The following DIAPH2 variants were observed in gnomAD, a reference collection of about 807,000 sequenced individuals.
DIAPH2 encodes diaphanous related formin 2.
In DIAPH2, 35 loss-of-function variants were observed where a neutral mutation model predicts 92.7. The observed-to-expected ratio is 0.38, with a 90% CI of 0.29 to 0.50. DIAPH2 has a LOEUF of 0.50. DIAPH2 is among the 20% of genes least tolerant of loss of function. The probability of loss-of-function intolerance (pLI) is 0.94; values close to 1 mark genes in which losing one functional copy is unlikely to be tolerated. For missense variants in DIAPH2, 701 were observed against 819.5 expected, an observed-to-expected ratio of 0.86 and a Z score of 1.77; for synonymous variants, 301 against 280.4, an observed-to-expected ratio of 1.07 and a Z score of -0.73.
At chrX:97,038,040 G>A (rs745797540) in intron 17 of DIAPH2, among the ~76,000 whole-genome samples, 4 of 110,801 alleles carry the variant, frequency 3.6e-5, no homozygotes, top group Non-Finnish European at 3.8e-5. Flanking sequence ...CTCCAGTGTC[G>A]ATTATCCCAA....
chrX:97,570,040 T>A (rs1285702496), intron 26 of DIAPH2, among the ~76,000 whole-genome samples: 1 of 85,553 alleles, frequency 1.2e-5, no homozygotes, highest in Non-Finnish European at 2.2e-5. Context: ...CCATTGATTA[T>A]CCTCAAACTA....
intron 4 of DIAPH2, among the ~76,000 whole-genome samples, chrX:96,759,112 T>G (rs2064251522): frequency 9.0e-6 from 1 of 111,260 alleles, no homozygotes; most frequent in Admixed American, 9.5e-5. Flanking sequence ...TTTGTGTGTA[T>G]ACATATGCAT....
chrX:97,017,324 T>C (rs1204460577), intron 17 of DIAPH2, among the ~76,000 whole-genome samples: 1 of 111,795 alleles, frequency 8.9e-6, no homozygotes, highest in Non-Finnish European at 1.9e-5. Context: ...TGTTTGATGG[T>C]AGTGAGAGAA....
intron 22 of DIAPH2, among the ~76,000 whole-genome samples, chrX:97,218,361 AT>A (rs1275674882): frequency 8.9e-6 from 1 of 111,775 alleles, no homozygotes; most frequent in Non-Finnish European, 1.9e-5. Context: ...AAGTGCTGGG[AT>A]TATAGGCATG....
intron 26 of DIAPH2, among the ~76,000 whole-genome samples, chrX:97,498,347 A>G (rs1300718478): frequency 1.8e-5 from 2 of 111,377 alleles, no homozygotes; most frequent in Non-Finnish European, 3.8e-5. Context: ...TAACATACAT[A>G]TCCGTTTCTG....
At chrX:97,159,640 A>G (rs1216899944) in intron 22 of DIAPH2, among the ~76,000 whole-genome samples, 1 of 111,987 alleles carries the variant, frequency 8.9e-6, no homozygotes, top group Non-Finnish European at 1.9e-5. Flanking sequence ...GATTTTGCAT[A>G]CAACCATAGC....
intron 22 of DIAPH2, among the ~76,000 whole-genome samples, chrX:97,235,378 G>T (rs1407238820): frequency 1.8e-5 from 2 of 110,879 alleles, no homozygotes; most frequent in Non-Finnish European, 3.8e-5. Flanking sequence ...GGCCACGGTG[G>T]GTGGATCATG....
chrX:96,988,983 T>C (rs1337879202), intron 17 of DIAPH2, among the ~76,000 whole-genome samples: 2 of 110,864 alleles, frequency 1.8e-5, no homozygotes, highest in Non-Finnish European at 3.8e-5. Context: ...CGAGGGGGAC[T>C]GAAAGTATAC....
intron 25 of DIAPH2, among the ~76,000 whole-genome samples, chrX:97,387,307 G>A (rs1229397040): frequency 8.9e-6 from 1 of 112,108 alleles, no homozygotes; most frequent in Non-Finnish European, 1.9e-5. Flanking sequence ...AGCAACAAGA[G>A]GTGTATTAGT....
intron 23 of DIAPH2, among the ~76,000 whole-genome samples, chrX:97,330,111 G>GTGTGTA (rs768645005): frequency 3.4e-5 from 3 of 87,965 alleles, no homozygotes; most frequent in Non-Finnish European, 7.0e-5. Context: ...GTGTGTGTGT[G>GTGTGTA]TATGTGTGTG....
intron 23 of DIAPH2, among the ~76,000 whole-genome samples, chrX:97,317,681 T>G (rs1176382051): frequency 8.9e-6 from 1 of 112,091 alleles, no homozygotes; most frequent in African/African-American, 3.2e-5. Context: ...CACTTTGCAT[T>G]CATGAAAGAA....
intron 26 of DIAPH2, among the ~76,000 whole-genome samples, chrX:97,554,123 G>A (rs1373619289): frequency 9.0e-6 from 1 of 111,616 alleles, no homozygotes; most frequent in Non-Finnish European, 1.9e-5. Flanking sequence ...ACTAACAGCT[G>A]GTTCTGCTGT....
intron 19 of DIAPH2, among the ~76,000 whole-genome samples, chrX:97,080,786 T>G (rs948685232): frequency 2.7e-5 from 3 of 111,416 alleles, no homozygotes; most frequent in African/African-American, 9.8e-5. Flanking sequence ...TCAACTTCCC[T>G]CAATTAACCA....
intron 17 of DIAPH2, among the ~76,000 whole-genome samples, chrX:97,065,801 G>A (rs146489290): frequency 0.04 from 4,405 of 111,243 alleles, 85 homozygotes; most frequent in Middle Eastern, 0.065. Context: ...CCTTCCAGTG[G>A]GACAAGATGT....
intron 22 of DIAPH2, among the ~76,000 whole-genome samples, chrX:97,242,826 G>T (rs910389539): frequency 9.1e-6 from 1 of 109,605 alleles, no homozygotes; most frequent in African/African-American, 3.3e-5. Flanking sequence ...TTGTTCTGTT[G>T]CCCAGGCTGG....
rs193127002 is a variant in DIAPH2 at position 96,979,667 on chromosome X, G to A, written c.2050+14460G>A. ...CATTTCTGTTTACTATTGTTTTCTC[G>A]CATGTACCACAGCTTCTGGCAAATA... is the stretch of plus-strand genomic sequence containing the variant. On this transcript the variant is annotated intron_variant, in intron 17 of 26. Transcript: ENST00000324765. Among the ~76,000 whole-genome samples, 4 of 112,006 alleles carry A rather than the reference G, an allele frequency of 3.6e-5. No homozygotes were observed. In the East Asian group the frequency reaches 1.1e-3, roughly 31 times the overall value.
At chrX:97,524,601 C>A (rs1025109576) in intron 26 of DIAPH2, among the ~76,000 whole-genome samples, 2 of 112,197 alleles carry the variant, frequency 1.8e-5, no homozygotes, top group Non-Finnish European at 3.8e-5. Flanking sequence ...TCTACTAGAA[C>A]ACAACCCTAG....
intron 17 of DIAPH2, among the ~76,000 whole-genome samples, chrX:97,019,060 C>A (rs2066279612): frequency 8.9e-6 from 1 of 111,777 alleles, no homozygotes; most frequent in African/African-American, 3.3e-5. Flanking sequence ...CTTGAAATCT[C>A]ATTTCTTTTA....
intron 25 of DIAPH2, among the ~76,000 whole-genome samples, chrX:97,404,000 T>G (rs2069784116): frequency 9.1e-6 from 1 of 110,169 alleles, no homozygotes; most frequent in Non-Finnish European, 1.9e-5. Flanking sequence ...ATTACAGGCA[T>G]GCACCACCAC....
Sources: gnomAD v4.1 joint callset for allele counts (sites outside exome capture counted in the v4.1 genomes callset) on GRCh38, gnomAD v4.1.1 for gene constraint, MANE v1.5 for transcripts, NCBI Gene and HGNC (gene_info 2026-07-23, HGNC 2026-07-21) for gene names.